The following CNTN5 variants were observed in gnomAD, a reference collection of about 807,000 sequenced individuals.
CNTN5 encodes contactin 5, also known as contactin-5.
Under a neutral mutation model 129.1 loss-of-function variants are expected in CNTN5, and 77 were observed. The observed-to-expected ratio is 0.60, with a 90% CI of 0.50 to 0.72. The LOEUF is 0.72. Among genes scored for constraint, CNTN5 ranks in the 30% least tolerant of loss-of-function variants. The pLI is 0.00. For missense variants in CNTN5, 1,478 were observed against 1,328.8 expected, an observed-to-expected ratio of 1.11 and a Z score of -1.75; for synonymous variants, 509 against 465.6, an observed-to-expected ratio of 1.09 and a Z score of -1.20.
intron 1 of CNTN5, among the ~76,000 whole-genome samples, chr11:99,101,306 C>A (rs573640332): frequency 8.5e-5 from 13 of 152,262 alleles, no homozygotes; most frequent in Non-Finnish European, 1.5e-4. Flanking sequence ...ACATGATAAA[C>A]CATATCATTC....
At chr11:99,137,127 T>C (rs1193067717) in intron 1 of CNTN5, among the ~76,000 whole-genome samples, 1 of 152,174 alleles carries the variant, frequency 6.6e-6, no homozygotes, top group Non-Finnish European at 1.5e-5. Context: ...CACTTGACAT[T>C]TCACTTTACT....
intron 15 of CNTN5, among the ~76,000 whole-genome samples, chr11:100,214,237 T>C (rs1949094146): frequency 6.6e-6 from 1 of 152,166 alleles, no homozygotes; most frequent in Non-Finnish European, 1.5e-5. Flanking sequence ...TTTCTTTCTT[T>C]TAAAATGTCT....
chr11:99,663,048 T>A (rs1039593928), intron 3 of CNTN5, among the ~76,000 whole-genome samples: 1 of 152,178 alleles, frequency 6.6e-6, no homozygotes, highest in Middle Eastern at 3.2e-3. Context: ...TTCACATGAG[T>A]AGTACTTTGA....
chr11:99,602,125 C>G (rs1024258917), intron 3 of CNTN5, among the ~76,000 whole-genome samples: 1 of 151,854 alleles, frequency 6.6e-6, no homozygotes, highest in African/African-American at 2.4e-5. Flanking sequence ...ATAATAGATA[C>G]AAATCATGTA....
intron 3 of CNTN5, among the ~76,000 whole-genome samples, chr11:99,777,460 A>G (rs1220567396): frequency 6.6e-6 from 1 of 151,946 alleles, no homozygotes; most frequent in Non-Finnish European, 1.5e-5. Flanking sequence ...AACGATGCTA[A>G]CACAATGTCT....
intron 2 of CNTN5, among the ~76,000 whole-genome samples, chr11:99,358,478 T>C (rs1460053337): frequency 2.0e-5 from 3 of 150,948 alleles, no homozygotes; most frequent in African/African-American, 7.3e-5. Flanking sequence ...GGGGAATCTC[T>C]TGAACCTGGG....
At chr11:100,053,971 T>A (rs1273936840) in intron 9 of CNTN5, among the ~76,000 whole-genome samples, 1 of 151,824 alleles carries the variant, frequency 6.6e-6, no homozygotes, top group Non-Finnish European at 1.5e-5. Flanking sequence ...TACTACGTAG[T>A]GTATTATTCA....
intron 1 of CNTN5, among the ~76,000 whole-genome samples, chr11:99,153,532 C>T (rs1291488024): frequency 1.4e-5 from 2 of 147,986 alleles, no homozygotes; most frequent in South Asian, 2.1e-4. Flanking sequence ...TCTTTCAGCT[C>T]CTGTATTGTT....
At chr11:100,090,505 C>CCCTCCCTTCCCTCCCTCCCTCCCTT (rs1555004292) in intron 13 of CNTN5, among the ~76,000 whole-genome samples, 27 of 37,550 alleles carry the variant, frequency 7.2e-4, no homozygotes, top group African/African-American at 2.7e-3. Context: ...CTCCTTTCCT[C>CCCTCCCTTCCCTCCCTCCCTCCCTT]CCTCCCTCCC....
chr11:99,187,255 C>A (rs1225036050), intron 1 of CNTN5, among the ~76,000 whole-genome samples: 1 of 151,566 alleles, frequency 6.6e-6, no homozygotes, highest in African/African-American at 2.4e-5. Context: ...GAAAAATGTA[C>A]CTTCTTCTCT....
rs145656410 is a variant in CNTN5 at position 99,989,776 on chromosome 11, T to G, written c.878-12258T>G. Among the ~76,000 whole-genome samples the G allele has an allele frequency of 2.0e-4, 30 of 152,318 alleles. No homozygotes were observed. The East Asian group carries it at 5.8e-3, about 29-fold the overall frequency. Reference sequence around the variant, plus strand: ...TAAAAGTTTGCTCTATCTTTTTTTGTGTGTGAGAGAACTGAGTCTCATTCC... The same window carrying G: ...TAAAAGTTTGCTCTATCTTTTTTTGGGTGTGAGAGAACTGAGTCTCATTCC... On this transcript the variant is annotated intron_variant, in intron 8 of 24. Coordinates refer to ENST00000524871, the MANE Select transcript of CNTN5 (RefSeq NM_014361.4).
chr11:100,047,292 A>G (rs1002849001), intron 9 of CNTN5, among the ~76,000 whole-genome samples: 1 of 152,082 alleles, frequency 6.6e-6, no homozygotes, highest in African/African-American at 2.4e-5. Context: ...TGAAAAAAAG[A>G]CCAGGTCACA....
intron 21 of CNTN5, among the ~76,000 whole-genome samples, chr11:100,314,109 G>A (rs1006878808): frequency 2.0e-5 from 3 of 152,234 alleles, no homozygotes; most frequent in African/African-American, 2.4e-5. Flanking sequence ...GCAAGGGAAC[G>A]TCATTTCAGA....
intron 21 of CNTN5, among the ~76,000 whole-genome samples, chr11:100,331,330 T>C (rs534287923): frequency 2.0e-5 from 3 of 152,240 alleles, no homozygotes; most frequent in African/African-American, 7.2e-5. Context: ...CCCAAGTTTA[T>C]AAAACAATTA....
intron 6 of CNTN5, among the ~76,000 whole-genome samples, chr11:99,855,490 G>C (rs1948003860): frequency 6.6e-6 from 1 of 152,146 alleles, no homozygotes; most frequent in Non-Finnish European, 1.5e-5. Flanking sequence ...GTATCATAAT[G>C]AATATTGATT....
Position 100,052,457 on chromosome 11 carries a change from C to G in CNTN5, c.981-8755C>G, listed in dbSNP as rs74679703. Reference sequence around the variant, plus strand: ...AATGTGTATGTGTATTTTCAAGAATCTACAACAAAAACCCTAAAATTAATA... The same window carrying G: ...AATGTGTATGTGTATTTTCAAGAATGTACAACAAAAACCCTAAAATTAATA... On this transcript the variant is annotated intron_variant, in intron 9 of 24. Transcript: ENST00000524871. Among the ~76,000 whole-genome samples, 264 of 151,780 alleles carry G rather than the reference C, an allele frequency of 1.7e-3. 1 individual carries two copies. Among genetic ancestry groups the G allele is most frequent in the African/African-American group, 5.6e-3 (233 of 41,482 alleles).
At chr11:99,872,649 C>G (rs1591344715) in intron 6 of CNTN5, among the ~76,000 whole-genome samples, 1 of 152,078 alleles carries the variant, frequency 6.6e-6, no homozygotes, top group South Asian at 2.1e-4. Flanking sequence ...TCCTAGAAGC[C>G]GGACTTTCTG....
At chr11:99,298,172 A>T (rs905689037) in intron 1 of CNTN5, among the ~76,000 whole-genome samples, 1 of 152,184 alleles carries the variant, frequency 6.6e-6, no homozygotes, top group African/African-American at 2.4e-5. Flanking sequence ...ACCATCTGAT[A>T]AAAGAAAAAC....
At chr11:99,043,241 G>A (rs1442839960) in intron 1 of CNTN5, among the ~76,000 whole-genome samples, 5 of 151,546 alleles carry the variant, frequency 3.3e-5, no homozygotes, top group Admixed American at 6.6e-5. Context: ...ATTAGAACTC[G>A]TCATCTAGCA....
Sources: gnomAD v4.1 joint callset for allele counts (sites outside exome capture counted in the v4.1 genomes callset) on GRCh38, gnomAD v4.1.1 for gene constraint, MANE v1.5 for transcripts, NCBI Gene and HGNC (gene_info 2026-07-23, HGNC 2026-07-21) for gene names.